AADACL2: variants seen among roughly 807,000 people sequenced by gnomAD.
AADACL2 encodes the protein arylacetamide deacetylase like 2.
AADACL2 carries 23 observed loss-of-function variants against 22.3 expected under a neutral mutation model. That is an observed-to-expected ratio of 1.03 (90% CI 0.74 to 1.46). The LOEUF (loss-of-function observed/expected upper bound fraction) is 1.46. AADACL2 is among the 40% of genes most tolerant of loss of function. The pLI is 0.00. For missense variants in AADACL2, 472 were observed against 482.9 expected (o/e 0.98, Z 0.21); for synonymous variants, 177 against 166.2 (o/e 1.07, Z -0.50).
chr3:151,758,391 T>C lies in AADACL2; in HGVS notation c.*797T>C, dbSNP rs1029163379. ...TTTAGGAGGGTCCACCTGAATAGTC[T>C]AGGATAATCTCTGCATCTCACGATC... On this transcript the variant is annotated 3_prime_UTR_variant, in exon 5 of 5. Transcript: ENST00000356517. 26 of 152,248 alleles carry C rather than the reference T, an allele frequency of 1.7e-4. No homozygotes were observed. The highest frequency in any genetic ancestry group is 3.4e-3 in the Middle Eastern group (1 of 294). 9.4% of individuals were successfully genotyped at this position (152,248 alleles called of 1,614,324 possible). A position where few individuals can be genotyped will look rare whatever the true frequency, so the allele number is the denominator to read the frequency against.
intron 4 of AADACL2, among the ~76,000 whole-genome samples, chr3:151,756,729 T>C (rs1713923015): frequency 1.3e-5 from 1 of 76,728 alleles, no homozygotes; most frequent in Non-Finnish European, 2.9e-5. Context: ...GTACATTCTC[T>C]TTCTGTCTCT....
rs745319729 is a variant in AADACL2, at chr3:151,759,033, C to G, written c.*1439C>G. 2 of 151,978 alleles carry G rather than the reference C, an allele frequency of 1.3e-5. No homozygotes were observed. The highest frequency in any genetic ancestry group is 2.1e-4 in the South Asian group (1 of 4,828). 9.4% of individuals were successfully genotyped at this position (151,978 alleles called of 1,614,324 possible). On this transcript the variant is annotated 3_prime_UTR_variant, in exon 5 of 5. Coordinates refer to ENST00000356517, the MANE Select transcript of AADACL2 (RefSeq NM_207365.4). ...TTCAAAGAGCCCTTTTTCTTTCACT[C>G]AATTTCAGTACCCCAAAGCTAAAAA...
chr3:151,740,990 G>A, intron 2 of AADACL2, 122 bp downstream of exon 2: 2 of 753,534 alleles, frequency 2.7e-6, no homozygotes, highest in Non-Finnish European at 4.2e-6. Context: ...GTCTGGATAT[G>A]GATAAGTATA....
At chr3:151,737,175 G>T (rs530322310) in intron 1 of AADACL2, among the ~76,000 whole-genome samples, 2 of 152,196 alleles carry the variant, frequency 1.3e-5, no homozygotes, top group East Asian at 3.9e-4. Context: ...ATTCTCATTG[G>T]TTTGAAAGAA....
At chr3:151,753,602 G>C (rs1402453494) in intron 4 of AADACL2, among the ~76,000 whole-genome samples, 1 of 152,136 alleles carries the variant, frequency 6.6e-6, no homozygotes, top group African/African-American at 2.4e-5. Context: ...GAAAATTAGT[G>C]GGGATAGCAA....
At chr3:151,734,247 T>C (rs1713019944) in intron 1 of AADACL2, 74 bp downstream of exon 1, 10 of 1,460,066 alleles carry the variant, frequency 6.8e-6, no homozygotes, top group Non-Finnish European at 8.3e-6. Context: ...TTATGAACTC[T>C]TTTATTAATA....
Position 151,757,432 on chromosome 3 carries a change from T to C in AADACL2, c.1044T>C (p.Leu348=). 1 of 1,613,670 alleles carries C rather than the reference T, an allele frequency of 6.2e-7. No individual in the cohort carries two copies. Among genetic ancestry groups the C allele is most frequent in the African/African-American group, 1.3e-5 (1 of 75,034 alleles). The part of the protein sequence containing the change: ...CQHDLLRDDG[L]MYVTRLRNVG... The stretch of plus-strand genomic sequence containing the variant: ...ATGATCTCTTAAGAGATGATGGACT[T>C]ATGTATGTTACAAGACTTCGAAATG... The change falls in exon 5 of 5, where the codon CTT becomes CTC. Residue 348 remains leucine, a synonymous_variant. Transcript: ENST00000356517.
chr3:151,747,613 T>C (rs928665000), intron 4 of AADACL2, among the ~76,000 whole-genome samples: 5 of 139,280 alleles, frequency 3.6e-5, no homozygotes, highest in African/African-American at 1.2e-4. Flanking sequence ...TTCCATTGTG[T>C]GTGTTTGTGT....
chr3:151,743,099 A>G (rs972697531), intron 2 of AADACL2, among the ~76,000 whole-genome samples: 6 of 152,130 alleles, frequency 3.9e-5, no homozygotes, highest in African/African-American at 1.4e-4. Flanking sequence ...TAGGTCTTGT[A>G]CATTTTGGTC....
intron 4 of AADACL2, among the ~76,000 whole-genome samples, chr3:151,754,810 AAAGT>A (rs1286130366): frequency 2.6e-5 from 4 of 152,140 alleles, no homozygotes; most frequent in Admixed American, 1.3e-4. Context: ...TGTTCTTTAC[AAAGT>A]AATAACATCC....
Position 151,761,158 on chromosome 3 carries a change from T to C in AADACL2, c.*3564T>C, listed in dbSNP as rs1209737984. The C allele has an allele frequency of 1.0e-5, 1 of 98,850 alleles. No individual in the cohort carries two copies. Among genetic ancestry groups the C allele is most frequent in the East Asian group, 3.3e-4 (1 of 3,006 alleles). 6.1% of individuals were successfully genotyped at this position (98,850 alleles called of 1,614,324 possible). A position where few individuals can be genotyped will look rare whatever the true frequency, so the allele number is the denominator to read the frequency against. On this transcript the variant is annotated 3_prime_UTR_variant, in exon 5 of 5. Transcript: ENST00000356517. ...ATATATGGTGAGATATATATATATA[T>C]GGTGAGATATATATTTATATATATG...
intron 2 of AADACL2, among the ~76,000 whole-genome samples, chr3:151,743,707 G>T (rs1713351274): frequency 6.6e-6 from 1 of 152,082 alleles, no homozygotes; most frequent in Non-Finnish European, 1.5e-5. Context: ...ATTACACCCA[G>T]AGTTCACATA....
At chr3:151,742,080 T>A (rs1479973845) in intron 2 of AADACL2, among the ~76,000 whole-genome samples, 3 of 152,132 alleles carry the variant, frequency 2.0e-5, no homozygotes, top group Non-Finnish European at 4.4e-5. Context: ...CAAGAAAAAA[T>A]AGACATTATA....
Position 151,757,548 on chromosome 3 carries a change from T to G in AADACL2, c.1160T>G (p.Leu387Arg). 6.2e-7 allele frequency: 1 copy of G among 1,613,124 alleles called. No homozygotes were observed. Among genetic ancestry groups the G allele is most frequent in the South Asian group, 1.1e-5 (1 of 90,994 alleles). ...TCACCATTTTATTTACGTCTAGGTC[T>G]TAGGATAAGAGATATGTATGTAAGT... Reference protein sequence around the residue: ...MTSPFYLRLGLRIRDMYVSWL... With the variant: ...MTSPFYLRLGRRIRDMYVSWL... The change falls in exon 5 of 5, where the codon CTT becomes CGT. Residue 387 changes from leucine to arginine, a missense_variant. This residue lies in a region of AADACL2 where 113 missense variants were observed against 100.9 expected (regional missense o/e 1.12). Coordinates refer to ENST00000356517, the MANE Select transcript of AADACL2 (RefSeq NM_207365.4).
intron 4 of AADACL2, among the ~76,000 whole-genome samples, chr3:151,749,189 GTCT>G (rs1255164705): frequency 6.6e-6 from 1 of 151,970 alleles, no homozygotes; most frequent in South Asian, 2.1e-4. Flanking sequence ...ATTTACTTGT[GTCT>G]TCTTCTATTT....
chr3:151,756,780 CA>C (rs559872436), intron 4 of AADACL2, among the ~76,000 whole-genome samples: 1 of 151,512 alleles, frequency 6.6e-6, no homozygotes, highest in Non-Finnish European at 1.5e-5. Context: ...TTTCCTCACA[CA>C]AAAAATCAAT....
chr3:151,736,362 T>C (rs182873847), intron 1 of AADACL2, among the ~76,000 whole-genome samples: 128 of 152,032 alleles, frequency 8.4e-4, no homozygotes, highest in Non-Finnish European at 1.7e-3. Context: ...AACGTGCAGG[T>C]TTGTTGCATA....
At position 151,740,776 on chromosome 3, in the gene AADACL2, C is replaced by T; in HGVS notation, c.269C>T (p.Pro90Leu). Residue 90 changes from proline (P) to leucine (L), a missense_variant, in exon 2 of 5, where the codon CCA becomes CTA. Coordinates refer to ENST00000356517, the MANE Select transcript of AADACL2 (RefSeq NM_207365.4). ...ACTGATACAACATTTGTTGACATTC[C>T]AGTACGATTGTACTTGCCAAAAAGA... ...TVTDTTFVDI[P>L]VRLYLPKRKS... The T allele has an allele frequency of 6.2e-7, 1 of 1,613,926 alleles. No individual in the cohort carries two copies. The highest frequency in any genetic ancestry group is 8.5e-7 in the Non-Finnish European group (1 of 1,179,912).
rs1024530772 is a variant in AADACL2 at position 151,759,111 on chromosome 3, TC to T, written c.*1519del. ...TAAGTATCATGGGAATCTGTTTTTT[TC>T]CTCTGAGAAATAAAATCTAAATGGA... On this transcript the variant is annotated 3_prime_UTR_variant, in exon 5 of 5. Transcript: ENST00000356517. The T allele has an allele frequency of 2.6e-5, 4 of 152,136 alleles. No homozygotes were observed. Among genetic ancestry groups the T allele is most frequent in the African/African-American group, 9.6e-5 (4 of 41,458 alleles). 9.4% of individuals were successfully genotyped at this position (152,136 alleles called of 1,614,324 possible). A position where few individuals can be genotyped will look rare whatever the true frequency, so the allele number is the denominator to read the frequency against.
Sources: gnomAD v4.1 joint callset for allele counts (sites outside exome capture counted in the v4.1 genomes callset) on GRCh38, gnomAD v4.1.1 for gene constraint, gnomAD v4.1.1 regional missense constraint, MANE v1.5 for transcripts, NCBI Gene and HGNC (gene_info 2026-07-23, HGNC 2026-07-21) for gene names.